Variants in ASTN2 observed in about 807,000 individuals in gnomAD.
The protein encoded by ASTN2 is astrotactin-2.
Under a neutral mutation model 139.8 loss-of-function variants are expected in ASTN2, and 54 were observed. That is an observed-to-expected ratio of 0.39 (90% CI 0.31 to 0.48). ASTN2 has a LOEUF of 0.48. Among genes scored for constraint, ASTN2 ranks in the 20% least tolerant of loss-of-function variants. ASTN2 has a pLI of 0.95. For missense variants in ASTN2, 1,565 were observed against 1,725.1 expected (o/e 0.91, Z 1.64); for synonymous variants, 756 against 719.5 (o/e 1.05, Z -0.81).
Position 116,487,401 on chromosome 9 carries a change from T to C in ASTN2, c.3455A>G (p.Tyr1152Cys). The C allele has an allele frequency of 6.2e-7, 1 of 1,613,890 alleles. No homozygotes were observed. The change falls in exon 20 of 23, where the codon TAC becomes TGC. Residue 1152 changes from tyrosine (Y) to cysteine (C), a missense_variant. By Grantham distance (194) the Tyr-to-Cys change is radical. Around this residue, in one of 4 missense-constraint regions of ASTN2, gnomAD observed 418 missense variants for 465.8 expected, o/e 0.90. Coordinates refer to ENST00000313400, the MANE Select transcript of ASTN2 (RefSeq NM_001365068.1). ...CTCCAGACACTTGAAGATGACTGAG[T>C]AGATACTGACTTCAGGGACCTCTCC... ...SHGEVPEVSIYSVIFKCLEPD... is the reference protein window; with the variant it reads ...SHGEVPEVSICSVIFKCLEPD...
In ASTN2 at chr9:116,699,889, C is replaced by T. The variant is rs941048867; in HGVS notation, c.2806+25882G>A. On this transcript the variant is annotated intron_variant, in intron 16 of 22. Transcript: ENST00000313400. This position sits in a 1 kb window ranked among gnomAD's most constrained non-coding sequence, Gnocchi z 4.2. ...TTATGTCCCCCTCCCCGCTTCCCAC[C>T]TAAATTTAGAGCTTTAAAAGATGCA... is the stretch of plus-strand genomic sequence containing the variant. 2 of 796,254 alleles carry T rather than the reference C, an allele frequency of 2.5e-6. No homozygotes were observed. Among genetic ancestry groups the T allele is most frequent in the African/African-American group, 3.5e-5 (2 of 57,268 alleles). The allele number at this position is 796,254 out of a possible 1,614,324, so 49.3% of individuals were successfully genotyped here. A position where few individuals can be genotyped will look rare whatever the true frequency, so the allele number is the denominator to read the frequency against.
chr9:117,307,658 A>C (rs1835036189), intron 1 of ASTN2, among the ~76,000 whole-genome samples: 1 of 152,214 alleles, frequency 6.6e-6, no homozygotes, highest in Non-Finnish European at 1.5e-5. Context: ...ACAGGTAGGC[A>C]CATGGCCACC....
At chr9:116,965,629 T>C (rs1452768775) in intron 10 of ASTN2, among the ~76,000 whole-genome samples, 2 of 152,196 alleles carry the variant, frequency 1.3e-5, no homozygotes, top group Non-Finnish European at 2.9e-5. Context: ...CCCTCAACTT[T>C]CCTCATTCCT....
intron 10 of ASTN2, among the ~76,000 whole-genome samples, chr9:116,951,152 AC>A (rs1835546814): frequency 6.6e-6 from 1 of 152,034 alleles, no homozygotes; most frequent in South Asian, 2.1e-4. Context: ...ACCCTGACCA[AC>A]ATGGAGAAAC....
chr9:116,873,434 T>C (rs891666936), intron 10 of ASTN2, among the ~76,000 whole-genome samples: 1 of 152,168 alleles, frequency 6.6e-6, no homozygotes, highest in African/African-American at 2.4e-5. Context: ...CAGGAATGCA[T>C]ACTGAGGAGG....
chr9:117,383,967 G>T (rs1830332931), intron 1 of ASTN2, among the ~76,000 whole-genome samples: 1 of 152,104 alleles, frequency 6.6e-6, no homozygotes, highest in Non-Finnish European at 1.5e-5. Context: ...CCACGAACAG[G>T]GGCTCACATG....
At chr9:116,637,126 A>G (rs1414766566) in intron 17 of ASTN2, among the ~76,000 whole-genome samples, 1 of 152,216 alleles carries the variant, frequency 6.6e-6, no homozygotes, top group Admixed American at 6.5e-5. Flanking sequence ...AATTCCGTAT[A>G]AATTACCCAG....
chr9:117,141,261 C>G (rs1320314933), intron 4 of ASTN2, 65 bp downstream of exon 4: 2 of 1,338,362 alleles, frequency 1.5e-6, no homozygotes, highest in Non-Finnish European at 9.9e-7. Context: ...ACAGATCTCC[C>G]TAGCATCTTT....
At chr9:116,842,370 C>T (rs1299541633) in intron 11 of ASTN2, among the ~76,000 whole-genome samples, 2 of 152,122 alleles carry the variant, frequency 1.3e-5, no homozygotes. Flanking sequence ...ATACAATATA[C>T]TCATTTTACA....
chr9:116,784,848 G>T (rs1040156695), intron 13 of ASTN2, among the ~76,000 whole-genome samples: 6 of 148,636 alleles, frequency 4.0e-5, no homozygotes, highest in Non-Finnish European at 7.4e-5. Context: ...AGAATCACTT[G>T]AACCAGGGAG....
chr9:116,535,037 G>A lies in ASTN2; in HGVS notation c.3356-47537C>T, dbSNP rs1403810741. ...CTCTAAGGACTTGCTTTATGAATCTGGGTGCTCCTGTATTGGGTGCATGTA... is the reference window on the plus strand; with the variant it reads ...CTCTAAGGACTTGCTTTATGAATCTAGGTGCTCCTGTATTGGGTGCATGTA... On this transcript the variant is annotated intron_variant, in intron 19 of 22. Transcript: ENST00000313400. Among the ~76,000 whole-genome samples the A allele has an allele frequency of 2.0e-5, 3 of 152,302 alleles. No homozygotes were observed. The East Asian group carries it at 5.8e-4, about 29-fold the overall frequency.
At chr9:116,919,067 C>T (rs983750577) in intron 10 of ASTN2, among the ~76,000 whole-genome samples, 1 of 151,882 alleles carries the variant, frequency 6.6e-6, no homozygotes, top group Admixed American at 6.6e-5. Flanking sequence ...AGGGAGCTGA[C>T]AGTTGGGCTT....
chr9:117,391,222 C>A (rs1247327328), intron 1 of ASTN2, among the ~76,000 whole-genome samples: 1 of 152,094 alleles, frequency 6.6e-6, no homozygotes. Flanking sequence ...TGATTAGGAA[C>A]CATGTATTTC....
At chr9:116,704,007 C>T (rs371336022) in intron 16 of ASTN2, among the ~76,000 whole-genome samples, 7 of 152,172 alleles carry the variant, frequency 4.6e-5, no homozygotes, top group East Asian at 1.9e-4. Flanking sequence ...TTAATATTCA[C>T]GGGACCCAAG....
intron 13 of ASTN2, among the ~76,000 whole-genome samples, chr9:116,771,530 T>C (rs1156526310): frequency 6.6e-6 from 1 of 152,238 alleles, no homozygotes; most frequent in African/African-American, 2.4e-5. Context: ...TTTATGGTTC[T>C]ACTCCCAGCA....
intron 1 of ASTN2, among the ~76,000 whole-genome samples, chr9:117,395,200 C>T (rs1196421233): frequency 6.6e-6 from 1 of 152,134 alleles, no homozygotes; most frequent in Non-Finnish European, 1.5e-5. Flanking sequence ...AATCATTTGT[C>T]AGCCCATTAA....
At chr9:116,780,888 G>A (rs1237965241) in intron 13 of ASTN2, among the ~76,000 whole-genome samples, 1 of 149,138 alleles carries the variant, frequency 6.7e-6, no homozygotes, top group East Asian at 2.0e-4. Flanking sequence ...TACCCAGGCT[G>A]GAGTGCAATG....
chr9:117,163,041 A>T (rs1008667907), intron 3 of ASTN2, among the ~76,000 whole-genome samples: 2 of 152,098 alleles, frequency 1.3e-5, no homozygotes, highest in Non-Finnish European at 2.9e-5. Context: ...TGAAAATGCC[A>T]GTCAACCTTT....
At chr9:117,180,193 A>G (rs12683718) in intron 3 of ASTN2, among the ~76,000 whole-genome samples, 45,180 of 151,926 alleles carry the variant, frequency 0.3, 6,909 homozygotes, top group African/African-American at 0.35. Context: ...TTCTGGGAGG[A>G]AGACTATCTG....
Sources: allele counts gnomAD v4.1 joint callset (sites outside exome capture counted in the v4.1 genomes callset), GRCh38; gene constraint gnomAD v4.1.1; regional missense constraint gnomAD v4.1.1; non-coding constraint Gnocchi (gnomAD v3.1); transcripts MANE v1.5; gene names NCBI Gene and HGNC (gene_info 2026-07-23, HGNC 2026-07-21).